TBL1Y: variants seen among roughly 807,000 people sequenced by gnomAD.
TBL1Y encodes F-box-like/WD repeat-containing protein TBL1Y.
In TBL1Y, 15 loss-of-function variants were observed where a neutral mutation model predicts 12.0. That is an observed-to-expected ratio of 1.25 (90% CI 0.83 to 1.92). The LOEUF (loss-of-function observed/expected upper bound fraction) is 1.92. Among genes scored for constraint, TBL1Y ranks in the 40% most tolerant of loss-of-function variants. The pLI, the probability that TBL1Y is intolerant of heterozygous loss-of-function variation, is 0.00. For synonymous variants in TBL1Y, 53 were observed against 42.6 expected (o/e 1.24, Z -0.95); for missense variants, 148 against 116.7 (o/e 1.27, Z -1.24).
chrY:6,928,985 A>G (rs747571113), intron 2 of TBL1Y, among the ~76,000 whole-genome samples: 2 of 33,120 alleles, frequency 6.0e-5, no homozygotes, highest in African/African-American at 2.4e-4. Flanking sequence ...GTCATCCTAA[A>G]GTCTAGCTGA....
At chrY:7,069,284 A>G in intron 8 of TBL1Y, among the ~76,000 whole-genome samples, 1 of 34,080 alleles carries the variant, frequency 2.9e-5, no homozygotes, top group South Asian at 6.6e-4. Flanking sequence ...TTTGAGGGTC[A>G]TGCAGCCTGT....
intron 6 of TBL1Y, among the ~76,000 whole-genome samples, chrY:7,027,089 A>G (rs958780320): frequency 3.1e-5 from 1 of 32,339 alleles, no homozygotes; most frequent in Non-Finnish European, 7.6e-5. Flanking sequence ...TTTTGTAGAG[A>G]CAGGGTTTCA....
chrY:7,086,483 A>T, intron 16 of TBL1Y, 66 bp downstream of exon 16: 1 of 331,772 alleles, frequency 3.0e-6, no homozygotes, highest in Non-Finnish European at 4.2e-6. Flanking sequence ...ATTTTGCTCA[A>T]GTGTGTCTGT....
intron 7 of TBL1Y, among the ~76,000 whole-genome samples, chrY:7,043,701 C>T (rs774870462): frequency 3.0e-5 from 1 of 33,506 alleles, no homozygotes; most frequent in African/African-American, 1.2e-4. Context: ...CGTGGAATCA[C>T]TGGCTGCTGA....
intron 8 of TBL1Y, among the ~76,000 whole-genome samples, chrY:7,064,553 C>G: frequency 3.0e-5 from 1 of 33,634 alleles, no homozygotes; most frequent in Non-Finnish European, 7.4e-5. Context: ...CACTGGGCCC[C>G]AAAAACTGAG....
At chrY:6,965,199 G>A in intron 2 of TBL1Y, among the ~76,000 whole-genome samples, 1 of 32,809 alleles carries the variant, frequency 3.0e-5, no homozygotes, top group Non-Finnish European at 7.4e-5. Flanking sequence ...GGCCATCATC[G>A]TCTAAACTCT....
intron 17 of TBL1Y, 91 bp from the exon 18 acceptor site, chrY:7,089,998 A>T: frequency 4.8e-6 from 1 of 210,414 alleles, no homozygotes; most frequent in Non-Finnish European, 8.4e-6. Context: ...ATGATCAAAT[A>T]TTAGGGGCAG....
chrY:7,062,849 C>T (rs774151938), intron 7 of TBL1Y, among the ~76,000 whole-genome samples: 10 of 33,410 alleles, frequency 3.0e-4, no homozygotes, highest in Admixed American at 2.1e-3. Flanking sequence ...ACCTCTAAGC[C>T]GCCCCCGACC....
intron 2 of TBL1Y, among the ~76,000 whole-genome samples, chrY:6,948,750 A>G (rs1603028226): frequency 6.5e-5 from 2 of 30,705 alleles, no homozygotes; most frequent in South Asian, 7.9e-4. Flanking sequence ...GCTCTGCCAC[A>G]CTGCAAGTTT....
At chrY:6,930,571 T>G in intron 2 of TBL1Y, among the ~76,000 whole-genome samples, 1 of 33,190 alleles carries the variant, frequency 3.0e-5, no homozygotes, top group Non-Finnish European at 7.4e-5. Flanking sequence ...AGAACTTTTC[T>G]GTCTAGCTAG....
intron 3 of TBL1Y, among the ~76,000 whole-genome samples, chrY:6,990,249 G>A (rs2012353557): frequency 3.0e-5 from 1 of 33,288 alleles, no homozygotes; most frequent in African/African-American, 1.2e-4. Flanking sequence ...TTGAGCTATT[G>A]GGCTTAAGTG....
chrY:6,970,811 C>T, intron 2 of TBL1Y, among the ~76,000 whole-genome samples: 1 of 33,832 alleles, frequency 3.0e-5, no homozygotes, highest in Non-Finnish European at 7.3e-5. Flanking sequence ...TTATGTTTGT[C>T]ATTATTTGAC....
chrY:7,043,075 A>G lies in TBL1Y; in HGVS notation c.154A>G (p.Ile52Val), dbSNP rs1370302101. 2.5e-6 allele frequency: 1 copy of G among 397,774 alleles called. No individual in the cohort carries two copies. Residue 52 changes from isoleucine to valine, a missense_variant, in exon 7 of 19, where the codon ATT (isoleucine) becomes GTT (valine). Transcript: ENST00000383032. ...TLVPPSALIS[I>V]LQKGLQYVEA... ...AGTGCCACCGTCTGCCCTCATCTCC[A>G]TTCTCCAGAAGGGACTGCAGTATGT...
chrY:6,916,990 T>C, intron 2 of TBL1Y, among the ~76,000 whole-genome samples: 2 of 34,439 alleles, frequency 5.8e-5, no homozygotes, highest in African/African-American at 1.1e-4. Context: ...TGCTGCCCAG[T>C]GCCCTGTGTG....
At chrY:7,080,051 G>GTTT (rs1466829965) in intron 13 of TBL1Y, among the ~76,000 whole-genome samples, 5 of 3,882 alleles carry the variant, frequency 1.3e-3, no homozygotes, top group Admixed American at 2.4e-3. Flanking sequence ...GGGACTGTTT[G>GTTT]TTTTTTTTTT....
In TBL1Y at chrY:6,986,090, G is replaced by A. The variant is rs758757275; in HGVS notation, c.-235+7847G>A. On this transcript the variant is annotated intron_variant, in intron 3 of 18. Transcript: ENST00000383032. ...GGATCTGCCACCCCCTGCTTCTGTC[G>A]TCATGCCCACTGGTCTTCCACCCTT... 9.2e-5 allele frequency among the ~76,000 whole-genome samples: 3 copies of A among 32,542 alleles called. No homozygotes were observed. The East Asian group carries it at 2.5e-3, about 27-fold the overall frequency. 87.3% of individuals were successfully genotyped at this position (32,542 alleles called of 37,273 possible).
chrY:6,967,031 A>T (rs2012174006), intron 2 of TBL1Y, among the ~76,000 whole-genome samples: 1 of 33,320 alleles, frequency 3.0e-5, no homozygotes, highest in Non-Finnish European at 7.4e-5. Context: ...TTTTTGCTCA[A>T]TGAATGAATT....
At chrY:7,031,997 A>G in intron 6 of TBL1Y, among the ~76,000 whole-genome samples, 3 of 33,087 alleles carry the variant, frequency 9.1e-5, no homozygotes, top group Non-Finnish European at 2.2e-4. Flanking sequence ...AATTCTCGAC[A>G]CATTTGGTGG....
At chrY:7,038,006 G>C in intron 6 of TBL1Y, among the ~76,000 whole-genome samples, 2 of 33,955 alleles carry the variant, frequency 5.9e-5, no homozygotes, top group South Asian at 6.6e-4. Context: ...GATGAATCAA[G>C]CCAACATTAA....
Sources: gnomAD v4.1 joint callset for allele counts (sites outside exome capture counted in the v4.1 genomes callset) on GRCh38, gnomAD v4.1.1 for gene constraint, MANE v1.5 for transcripts, NCBI Gene and HGNC (gene_info 2026-07-23, HGNC 2026-07-21) for gene names.